The following ROBO3 variants were observed in gnomAD, a reference collection of about 807,000 sequenced individuals.
ROBO3 encodes roundabout homolog 3.
A neutral mutation model predicts 160.5 loss-of-function variants in ROBO3; 97 were observed. The ratio of observed to expected loss-of-function variants is 0.60; its 90% CI spans 0.51 to 0.72. The LOEUF (loss-of-function observed/expected upper bound fraction) is 0.72, where lower values mean the gene tolerates loss of function less well. Among genes scored for constraint, ROBO3 ranks in the 30% least tolerant of loss-of-function variants. ROBO3 has a pLI of 0.00. For missense variants in ROBO3, 1,858 were observed against 1,846.5 expected, an observed-to-expected ratio of 1.01 and a Z score of -0.11; for synonymous variants, 780 against 746.2, an observed-to-expected ratio of 1.05 and a Z score of -0.74.
At chr11:124,868,101 C>T (rs141873200) in intron 1 of ROBO3, among the ~76,000 whole-genome samples, 4 of 152,260 alleles carry the variant, frequency 2.6e-5, no homozygotes, top group East Asian at 1.9e-4. Context: ...AAACTATGCA[C>T]CTGTCAGGAA....
rs1946292336 is a variant in ROBO3 at position 124,872,642 on chromosome 11, T to C, written c.1330+90T>C. 44 of 1,316,308 alleles carry C rather than the reference T, an allele frequency of 3.3e-5. No homozygotes were observed. Among genetic ancestry groups the C allele is most frequent in the South Asian group, 5.8e-5 (4 of 69,518 alleles). The allele number at this position is 1,316,308 out of a possible 1,614,324, so 81.5% of individuals were successfully genotyped here. The stretch of plus-strand genomic sequence containing the variant: ...TGTTTCTCTTGGAGTCTATATACTA[T>C]GTCTGCAAGAGGAGAGATGTGTTCC... On this transcript the variant is annotated intron_variant, in intron 8 of 27. Transcript: ENST00000397801. This position sits in a 1 kb window ranked among gnomAD's most constrained non-coding sequence, Gnocchi z 4.3.
rs1039457878 is a variant in ROBO3, at chr11:124,876,385, G to A, written c.2704G>A (p.Gly902Arg). 5.5e-6 allele frequency: 8 copies of A among 1,447,846 alleles called. No individual in the cohort carries two copies. The highest frequency in any genetic ancestry group is 7.2e-6 in the Non-Finnish European group (8 of 1,107,592). The allele number at this position is 1,447,846 out of a possible 1,614,324, so 89.7% of individuals were successfully genotyped here. Residue 902 changes from glycine (G) to arginine (R), a missense_variant, in exon 17 of 28, where the codon GGG becomes AGG. Coordinates refer to ENST00000397801, the MANE Select transcript of ROBO3 (RefSeq NM_022370.4). The surrounding 1 kb of genome is among the most constrained non-coding windows in gnomAD (Gnocchi z 5.3). ...CCTCGCGGGCAGCGGCGCAGCCTGCGGGGCGCTGCTTCTCGGGCTCTGCGC... is the reference window on the plus strand; with the variant it reads ...CCTCGCGGGCAGCGGCGCAGCCTGCAGGGCGCTGCTTCTCGGGCTCTGCGC... Reference protein sequence around the residue: ...AFLAGSGAACGALLLGLCAAL... With the variant: ...AFLAGSGAACRALLLGLCAAL...
rs1420954317 is a variant in ROBO3 at position 124,876,980 on chromosome 11, G to A, written c.2780-181G>A. 2.8e-6 allele frequency: 2 copies of A among 723,130 alleles called. No homozygotes were observed. Among genetic ancestry groups the A allele is most frequent in the Non-Finnish European group, 4.9e-6 (2 of 404,412 alleles). The allele number at this position is 723,130 out of a possible 1,614,324, so 44.8% of individuals were successfully genotyped here. A position where few individuals can be genotyped will look rare whatever the true frequency, so the allele number is the denominator to read the frequency against. ...TGGCTACACATAGGAATCACTTGAGGGGCTTGAGAAAAATACCGACACCTG... is the reference window on the plus strand; with the variant it reads ...TGGCTACACATAGGAATCACTTGAGAGGCTTGAGAAAAATACCGACACCTG... On this transcript the variant is annotated intron_variant, in intron 17 of 27. Transcript: ENST00000397801. The surrounding 1 kb of genome is among the most constrained non-coding windows in gnomAD (Gnocchi z 5.3).
Position 124,865,503 on chromosome 11 carries a change from G to A in ROBO3, c.-75G>A, listed in dbSNP as rs1398979376. The A allele has an allele frequency of 1.3e-6, 2 of 1,493,368 alleles. No homozygotes were observed. The highest frequency in any genetic ancestry group is 1.8e-6 in the Non-Finnish European group (2 of 1,099,362). The allele number at this position is 1,493,368 out of a possible 1,614,324, so 92.5% of individuals were successfully genotyped here. A position where few individuals can be genotyped will look rare whatever the true frequency, so the allele number is the denominator to read the frequency against. ...GCGCAGAGGCTGTGGAGGGGCTTAC[G>A]GCTCCCAGCCCACGGGTCTCAGACC... On this transcript the variant is annotated 5_prime_UTR_variant, in exon 1 of 28. Transcript: ENST00000397801. This position sits in a 1 kb window ranked among gnomAD's most constrained non-coding sequence, Gnocchi z 5.5.
Position 124,876,201 on chromosome 11 carries a change from C to T in ROBO3, c.2594-74C>T. 1.3e-6 allele frequency: 2 copies of T among 1,522,616 alleles called. No individual in the cohort carries two copies. The allele number at this position is 1,522,616 out of a possible 1,614,324, so 94.3% of individuals were successfully genotyped here. A position where few individuals can be genotyped will look rare whatever the true frequency, so the allele number is the denominator to read the frequency against. ...CCCCCCACTGGGGTAGCTGTGCCTG[C>T]CGGGTCGGGAATGACCCTTTCCCAG... On this transcript the variant is annotated intron_variant, in intron 16 of 27. Coordinates refer to ENST00000397801, the MANE Select transcript of ROBO3 (RefSeq NM_022370.4). The surrounding 1 kb of genome is among the most constrained non-coding windows in gnomAD (Gnocchi z 5.3).
chr11:124,879,201 T>A lies in ROBO3; in HGVS notation c.3545T>A (p.Leu1182His). The A allele has an allele frequency of 6.4e-7, 1 of 1,551,628 alleles. No individual in the cohort carries two copies. The highest frequency in any genetic ancestry group is 8.7e-7 in the Non-Finnish European group (1 of 1,147,022). ...TCCTGTCATTGCAGGAGGGTGCCCC[T>A]TGGGCCGAGTTCCCCTCTCAGTGTA... is the stretch of plus-strand genomic sequence containing the variant. ...HLHQMPRRVP[L>H]GPSSPLSVSQ... The change falls in exon 24 of 28, where the codon CTT (leucine) becomes CAT (histidine). Residue 1182 changes from leucine (L) to histidine (H), a missense_variant. Leu to His is a moderately conservative substitution (Grantham distance 99, BLOSUM62 -3). Transcript: ENST00000397801.
chr11:124,869,542 C>G lies in ROBO3; in HGVS notation c.580C>G (p.Pro194Ala), dbSNP rs1305385040. 2 of 1,565,318 alleles carry G rather than the reference C, an allele frequency of 1.3e-6. No individual in the cohort carries two copies. The highest frequency in any genetic ancestry group is 1.7e-6 in the Non-Finnish European group (2 of 1,154,984). Residue 194 changes from proline to alanine, a missense_variant, in exon 3 of 28, where the codon CCG (proline) becomes GCG (alanine). Transcript: ENST00000397801. The surrounding 1 kb of genome is among the most constrained non-coding windows in gnomAD (Gnocchi z 4.2). ...GGAATGCGTGCCCCCCCGCGGCCAC[C>G]CGGAGCCTTCCGTGTCCTGGAGGAA... ...VLECVPPRGH[P>A]EPSVSWRKDG...
Position 124,872,887 on chromosome 11 carries a change from C to G in ROBO3, c.1334C>G (p.Ser445Cys). The change falls in exon 9 of 28, where the codon TCT (serine) becomes TGT (cysteine). Residue 445 changes from serine to cysteine, a missense_variant. By Grantham distance (112) the Ser-to-Cys change is moderately radical (BLOSUM62 -1). Coordinates refer to ENST00000397801, the MANE Select transcript of ROBO3 (RefSeq NM_022370.4). This position sits in a 1 kb window ranked among gnomAD's most constrained non-coding sequence, Gnocchi z 4.3. ...GCACACGTTCTTCCTCTCTCAGCCT[C>G]TTTGGATGGGCTGCCTCCTGTCATC... ...AKALLEIKGA[S>C]LDGLPPVILQ... is the part of the protein sequence containing the mutation. 1 of 1,601,694 alleles carries G rather than the reference C, an allele frequency of 6.2e-7. No individual in the cohort carries two copies. Among genetic ancestry groups the G allele is most frequent in the Non-Finnish European group, 8.5e-7 (1 of 1,174,452 alleles).
rs1012114637 is a variant in ROBO3, at chr11:124,865,847, C to T, written c.160+110C>T. ...TGTCCCGAGGTCCGGGATTGAGTGGCGCCTCCCAGCGCCTCCCTGGGTCGT... is the reference window on the plus strand; with the variant it reads ...TGTCCCGAGGTCCGGGATTGAGTGGTGCCTCCCAGCGCCTCCCTGGGTCGT... On this transcript the variant is annotated intron_variant, in intron 1 of 27. Transcript: ENST00000397801. This position sits in a 1 kb window ranked among gnomAD's most constrained non-coding sequence, Gnocchi z 5.5. 1 of 1,171,790 alleles carries T rather than the reference C, an allele frequency of 8.5e-7. No individual in the cohort carries two copies. Among genetic ancestry groups the T allele is most frequent in the African/African-American group, 1.5e-5 (1 of 64,938 alleles). 72.6% of individuals were successfully genotyped at this position (1,171,790 alleles called of 1,614,324 possible). A position where few individuals can be genotyped will look rare whatever the true frequency, so the allele number is the denominator to read the frequency against.
chr11:124,873,532 G>C lies in ROBO3; in HGVS notation c.1618+141G>C. 9.9e-7 allele frequency: 1 copy of C among 1,008,830 alleles called. No homozygotes were observed. Among genetic ancestry groups the C allele is most frequent in the Middle Eastern group, 2.1e-4 (1 of 4,840 alleles). 62.5% of individuals were successfully genotyped at this position (1,008,830 alleles called of 1,614,324 possible). ...TACGGTGGTGAGGATGAGAAGGACA[G>C]TAGTGGTACCCATGGGAGGCAGATG... On this transcript the variant is annotated intron_variant, in intron 10 of 27. Coordinates refer to ENST00000397801, the MANE Select transcript of ROBO3 (RefSeq NM_022370.4). This position sits in a 1 kb window ranked among gnomAD's most constrained non-coding sequence, Gnocchi z 4.5.
rs774646580 is a variant in ROBO3, at chr11:124,865,620, T to C, written c.43T>C (p.Phe15Leu). The C allele has an allele frequency of 4.3e-6, 7 of 1,612,838 alleles. No individual in the cohort carries two copies. Among genetic ancestry groups the C allele is most frequent in the African/African-American group, 1.3e-5 (1 of 74,910 alleles). The change falls in exon 1 of 28, where the codon TTC becomes CTC. Residue 15 changes from phenylalanine to leucine, a missense_variant. Coordinates refer to ENST00000397801, the MANE Select transcript of ROBO3 (RefSeq NM_022370.4). This position sits in a 1 kb window ranked among gnomAD's most constrained non-coding sequence, Gnocchi z 5.5. ...GAAAACGCTGCTGCAGATGAACTTG[T>C]TCGCGGACTCTCTGGCCGGGGACAT... Reference protein sequence around the residue: ...LLKTLLQMNLFADSLAGDISN... With the variant: ...LLKTLLQMNLLADSLAGDISN...
rs566544071 is a variant in ROBO3, at chr11:124,868,935, C to T, written c.294C>T (p.Tyr98=). Residue 98 remains tyrosine (Y), a synonymous_variant, in exon 2 of 28, where the codon TAC becomes TAT. Coordinates refer to ENST00000397801, the MANE Select transcript of ROBO3 (RefSeq NM_022370.4). ...GACCCCGACCCAACATTGAGTGGTACAAGAACGGGGCGCGTGTGGCCACTG... is the reference window on the plus strand; with the variant it reads ...GACCCCGACCCAACATTGAGTGGTATAAGAACGGGGCGCGTGTGGCCACTG... The part of the protein sequence containing the change: ...EGRPRPNIEW[Y]KNGARVATVR... 7.5e-6 allele frequency: 12 copies of T among 1,607,182 alleles called. No individual in the cohort carries two copies. The South Asian group carries it at 7.8e-5, about 10-fold the overall frequency.
Position 124,873,871 on chromosome 11 carries a change from A to G in ROBO3, c.1784+9A>G. On this transcript the variant is annotated intron_variant, in intron 11 of 27. Transcript: ENST00000397801. This position sits in a 1 kb window ranked among gnomAD's most constrained non-coding sequence, Gnocchi z 4.5. Reference sequence around the variant, plus strand: ...GTGATAGAGGCCTTCAGGTATGGAGAAAGTTTTGAATGCAAACCTGGAGAG... The same window carrying G: ...GTGATAGAGGCCTTCAGGTATGGAGGAAGTTTTGAATGCAAACCTGGAGAG... The G allele has an allele frequency of 6.2e-7, 1 of 1,612,280 alleles. No homozygotes were observed. The highest frequency in any genetic ancestry group is 8.5e-7 in the Non-Finnish European group (1 of 1,179,068).
chr11:124,880,925 C>A (rs1244624971), intron 27 of ROBO3, among the ~76,000 whole-genome samples: 1 of 152,062 alleles, frequency 6.6e-6, no homozygotes, highest in Non-Finnish European at 1.5e-5. Context: ...TGGTGGTATG[C>A]TCCTGTAGTC....
In ROBO3 at chr11:124,878,767, T is replaced by A. The variant is rs1406505436; in HGVS notation, c.3504T>A (p.Thr1168=). The A allele has an allele frequency of 2.5e-6, 4 of 1,613,390 alleles. No homozygotes were observed. The highest frequency in any genetic ancestry group is 3.4e-6 in the Non-Finnish European group (4 of 1,179,808). The change falls in exon 23 of 28, where the codon ACT becomes ACA. Residue 1168 remains threonine, a synonymous_variant. Coordinates refer to ENST00000397801, the MANE Select transcript of ROBO3 (RefSeq NM_022370.4). This position sits in a 1 kb window ranked among gnomAD's most constrained non-coding sequence, Gnocchi z 4.3. ...PSPPDPPQPP[T]DMPHLHQMPR... ...CTCCTGACCCTCCCCAGCCCCCAAC[T>A]GACATGCCCCATCTCCATCAGATGC... is the stretch of plus-strand genomic sequence containing the variant.
Position 124,872,250 on chromosome 11 carries a change from A to G in ROBO3, c.1159-131A>G, listed in dbSNP as rs1279880835. 1.2e-6 allele frequency: 1 copy of G among 848,634 alleles called. No individual in the cohort carries two copies. Among genetic ancestry groups the G allele is most frequent in the Non-Finnish European group, 2.0e-6 (1 of 509,210 alleles). The allele number at this position is 848,634 out of a possible 1,614,324, so 52.6% of individuals were successfully genotyped here. A position where few individuals can be genotyped will look rare whatever the true frequency, so the allele number is the denominator to read the frequency against. On this transcript the variant is annotated intron_variant, in intron 7 of 27. Coordinates refer to ENST00000397801, the MANE Select transcript of ROBO3 (RefSeq NM_022370.4). This position sits in a 1 kb window ranked among gnomAD's most constrained non-coding sequence, Gnocchi z 4.3. The stretch of plus-strand genomic sequence containing the variant: ...ATTTAACTACTTTGCCCAAGTTCAC[A>G]TCACTGCTGGAGACAGACGATGAAC...
Position 124,876,350 on chromosome 11 carries a change from A to G in ROBO3, c.2669A>G (p.Glu890Gly). The change falls in exon 17 of 28, where the codon GAG becomes GGG. Residue 890 changes from glutamate to glycine, a missense_variant. Coordinates refer to ENST00000397801, the MANE Select transcript of ROBO3 (RefSeq NM_022370.4). This position sits in a 1 kb window ranked among gnomAD's most constrained non-coding sequence, Gnocchi z 5.3. ...GTGCGGCTGGCGAGGGTGCTGCGGG[A>G]GCCCGCCTTCCTCGCGGGCAGCGGC... ...LAVRLARVLR[E>G]PAFLAGSGAA... The G allele has an allele frequency of 7.0e-7, 1 of 1,430,922 alleles. No individual in the cohort carries two copies. The highest frequency in any genetic ancestry group is 9.1e-7 in the Non-Finnish European group (1 of 1,100,818). 88.6% of individuals were successfully genotyped at this position (1,430,922 alleles called of 1,614,324 possible).
In ROBO3 at chr11:124,872,527, C is replaced by A; in HGVS notation, c.1305C>A (p.Ala435=). The A allele has an allele frequency of 6.2e-7, 1 of 1,613,714 alleles. No individual in the cohort carries two copies. Among genetic ancestry groups the A allele is most frequent in the Non-Finnish European group, 8.5e-7 (1 of 1,179,678 alleles). The change falls in exon 8 of 28, where the codon GCC becomes GCA. Residue 435 remains alanine (A), a synonymous_variant. Coordinates refer to ENST00000397801, the MANE Select transcript of ROBO3 (RefSeq NM_022370.4). This position sits in a 1 kb window ranked among gnomAD's most constrained non-coding sequence, Gnocchi z 4.3. ...TCAGTGTGGCTGGCAGCATCCTGGC[C>A]AAGGCCCTGCTGGAGATAAAAGGAG... The part of the protein sequence containing the change: ...QAVSVAGSIL[A]KALLEIKGAS...
At position 124,872,274 on chromosome 11, in the gene ROBO3, A is replaced by G. The variant is rs1046527963; in HGVS notation, c.1159-107A>G. On this transcript the variant is annotated intron_variant, in intron 7 of 27. Transcript: ENST00000397801. This position sits in a 1 kb window ranked among gnomAD's most constrained non-coding sequence, Gnocchi z 4.3. ...CATCACTGCTGGAGACAGACGATGAACTAGAATCATAGGAATTCTCTGAAT... is the reference window on the plus strand; with the variant it reads ...CATCACTGCTGGAGACAGACGATGAGCTAGAATCATAGGAATTCTCTGAAT... 1 of 1,047,966 alleles carries G rather than the reference A, an allele frequency of 9.5e-7. No homozygotes were observed. Among genetic ancestry groups the G allele is most frequent in the African/African-American group, 1.6e-5 (1 of 63,946 alleles). 64.9% of individuals were successfully genotyped at this position (1,047,966 alleles called of 1,614,324 possible).
Sources: gnomAD v4.1 joint callset for allele counts (sites outside exome capture counted in the v4.1 genomes callset) on GRCh38, gnomAD v4.1.1 for gene constraint, Gnocchi (gnomAD v3.1) non-coding constraint, MANE v1.5 for transcripts, NCBI Gene and HGNC (gene_info 2026-07-23, HGNC 2026-07-21) for gene names.